Variants in EFCAB7 observed in about 807,000 individuals in gnomAD.
EFCAB7 encodes the protein EF-hand calcium-binding domain-containing protein 7.
Under a neutral mutation model 77.1 loss-of-function variants are expected in EFCAB7, and 66 were observed. The ratio of observed to expected loss-of-function variants is 0.86; its 90% confidence interval spans 0.70 to 1.05. EFCAB7 has a LOEUF of 1.05. EFCAB7 is among the 50% of genes least tolerant of loss of function. The pLI is 0.00. For synonymous variants in EFCAB7, 225 were observed against 243.3 expected (o/e 0.92, Z 0.70); for missense variants, 638 against 730.5 (o/e 0.87, Z 1.46).
intron 4 of EFCAB7, 49 bp from the exon 5 acceptor site, chr1:63,533,405 C>A: frequency 1.4e-6 from 2 of 1,398,690 alleles, no homozygotes; most frequent in East Asian, 2.4e-5. Context: ...CTCCTCTTCC[C>A]CAGTGTATGA....
downstream of EFCAB7, among the ~76,000 whole-genome samples, chr1:63,577,551 A>G (rs1647459104): frequency 6.6e-6 from 1 of 152,186 alleles, no homozygotes. Context: ...AGTATCCAGA[A>G]TTGGCTTTTG....
At chr1:63,549,127 C>T (rs1323341216) in intron 7 of EFCAB7, 1 of 283,854 alleles carries the variant, frequency 3.5e-6, no homozygotes, top group Non-Finnish European at 7.1e-6. Context: ...AAGGCTGGCG[C>T]AGTCGGTTTT....
the EFCAB7 span, among the ~76,000 whole-genome samples, chr1:63,583,657 A>T: frequency 6.6e-6 from 1 of 152,174 alleles, no homozygotes; most frequent in Non-Finnish European, 1.5e-5. Flanking sequence ...TATGGATGAG[A>T]ACCCCCAATA....
chr1:63,574,160 C>T (rs1001658209), downstream of EFCAB7, among the ~76,000 whole-genome samples: 3 of 151,986 alleles, frequency 2.0e-5, no homozygotes, highest in African/African-American at 7.3e-5. Context: ...GGCAAATCCC[C>T]GAGCTTGATG....
downstream of EFCAB7, among the ~76,000 whole-genome samples, chr1:63,577,265 A>G (rs372508278): frequency 9.8e-5 from 15 of 152,286 alleles, no homozygotes; most frequent in African/African-American, 3.6e-4. Flanking sequence ...AAAATTAAAT[A>G]TTTTTCAACT....
At chr1:63,531,016 G>T (rs967235428) in intron 2 of EFCAB7, among the ~76,000 whole-genome samples, 2 of 152,020 alleles carry the variant, frequency 1.3e-5, no homozygotes, top group Non-Finnish European at 1.5e-5. Context: ...CCATTCAAAA[G>T]CCTCTCTTCT....
chr1:63,531,701 A>AC (rs1646698246), intron 2 of EFCAB7, 119 bp from the exon 3 acceptor site: 10 of 885,382 alleles, frequency 1.1e-5, no homozygotes, highest in Non-Finnish European at 1.8e-5. Context: ...AAAGTAATGT[A>AC]CTGGTATATG....
intron 12 of EFCAB7, chr1:63,569,025 G>T (rs1362438819): frequency 1.3e-5 from 2 of 152,162 alleles, no homozygotes; most frequent in African/African-American, 2.4e-5. Flanking sequence ...TCTCTTCCCT[G>T]CTATTAATAC....
Position 63,569,356 on chromosome 1 carries a change from A to G in EFCAB7, c.1707+837A>G, listed in dbSNP as rs1647207106. 2.0e-5 allele frequency: 3 copies of G among 152,206 alleles called. No individual in the cohort carries two copies. In the South Asian group the frequency reaches 6.2e-4, roughly 32 times the overall value. 9.4% of individuals were successfully genotyped at this position (152,206 alleles called of 1,614,324 possible). A position where few individuals can be genotyped will look rare whatever the true frequency, so the allele number is the denominator to read the frequency against. Reference sequence around the variant, plus strand: ...TATGGGCTATAATTGGAAAGACAAAATTAATACTCTTGAAAGACATCAGAG... The same window carrying G: ...TATGGGCTATAATTGGAAAGACAAAGTTAATACTCTTGAAAGACATCAGAG... On this transcript the variant is annotated intron_variant, in intron 12 of 13. Coordinates refer to ENST00000371088, the MANE Select transcript of EFCAB7 (RefSeq NM_032437.4).
chr1:63,549,384 T>C (rs547426702), intron 7 of EFCAB7: 1 of 470,412 alleles, frequency 2.1e-6, no homozygotes, highest in Non-Finnish European at 4.4e-6. Flanking sequence ...GTTTCTTTTT[T>C]AGTTGATGCC....
downstream of EFCAB7, among the ~76,000 whole-genome samples, chr1:63,574,734 C>T (rs1009592059): frequency 6.6e-6 from 1 of 152,126 alleles, no homozygotes; most frequent in Non-Finnish European, 1.5e-5. Context: ...ATGGAGGACC[C>T]TTGCATAGTG....
chr1:63,533,185 A>T (rs1309447622), intron 4 of EFCAB7, among the ~76,000 whole-genome samples: 1 of 152,138 alleles, frequency 6.6e-6, no homozygotes, highest in Admixed American at 6.6e-5. Context: ...AAGCCTACAC[A>T]TCTTGTAAAA....
At position 63,532,666 on chromosome 1, in the gene EFCAB7, T is replaced by C. The variant is rs773027833; in HGVS notation, c.400-4T>C. Reference sequence around the variant, plus strand: ...TTAAAATAAATCTTGTTTTTTTTTTTCAGAGAGGTGAGAAGATGACTCGAG... The same window carrying C: ...TTAAAATAAATCTTGTTTTTTTTTTCCAGAGAGGTGAGAAGATGACTCGAG... On this transcript the variant is annotated splice_region_variant and splice_polypyrimidine_tract_variant and intron_variant, in intron 3 of 13. Transcript: ENST00000371088. 2.5e-6 allele frequency: 4 copies of C among 1,583,432 alleles called. No individual in the cohort carries two copies. The highest frequency in any genetic ancestry group is 3.4e-6 in the Non-Finnish European group (4 of 1,170,704).
chr1:63,534,071 C>T (rs747864974), intron 5 of EFCAB7, 24 bp from the exon 6 acceptor site: 1 of 1,611,430 alleles, frequency 6.2e-7, no homozygotes, highest in Non-Finnish European at 8.5e-7. Context: ...TAATGTCAGA[C>T]CAAATAATCA....
intron 5 of EFCAB7, 133 bp downstream of exon 5, chr1:63,533,782 ACT>A: frequency 1.4e-6 from 1 of 693,248 alleles, no homozygotes; most frequent in Non-Finnish European, 2.2e-6. Context: ...CTATTTCTAG[ACT>A]CTTTCAGCTG....
intron 7 of EFCAB7, chr1:63,548,795 A>G (rs1257697043): frequency 6.6e-6 from 1 of 152,546 alleles, no homozygotes; most frequent in African/African-American, 2.4e-5. Flanking sequence ...TATTGTTAGG[A>G]AAGGAGCAAT....
chr1:63,562,449 T>TTATATATATATATATA (rs869302346), intron 11 of EFCAB7, among the ~76,000 whole-genome samples: 8 of 22,468 alleles, frequency 3.6e-4, no homozygotes, highest in East Asian at 1.7e-3. Context: ...CTTAATTTAT[T>TTATATATATATATATA]TATATATATA....
At chr1:63,575,614 C>T (rs1045912436), downstream of EFCAB7, among the ~76,000 whole-genome samples, 1 of 152,044 alleles carries the variant, frequency 6.6e-6, no homozygotes, top group African/African-American at 2.4e-5. Context: ...GAGACAGAGT[C>T]TTGCTCTGTC....
chr1:63,539,785 A>G (rs2100884778), intron 6 of EFCAB7, among the ~76,000 whole-genome samples: 1 of 152,348 alleles, frequency 6.6e-6, no homozygotes, highest in Non-Finnish European at 1.5e-5. Flanking sequence ...ATGAAATTCC[A>G]TCTGATGCTA....
Sources: gnomAD v4.1 joint callset for allele counts (sites outside exome capture counted in the v4.1 genomes callset) on GRCh38, gnomAD v4.1.1 for gene constraint, MANE v1.5 for transcripts, NCBI Gene and HGNC (gene_info 2026-07-23, HGNC 2026-07-21) for gene names.